Variants in ATP5F1B observed in about 807,000 individuals in gnomAD.
The protein encoded by ATP5F1B is ATP synthase F1 subunit beta, also known as ATP synthase F(1) complex subunit beta, mitochondrial.
Under a neutral mutation model 45.9 loss-of-function variants are expected in ATP5F1B, and 17 were observed. That is an observed-to-expected ratio of 0.37 (90% CI 0.25 to 0.56). The LOEUF is 0.56. Among genes scored for constraint, ATP5F1B ranks in the 20% least tolerant of loss-of-function variants. The pLI, the probability that ATP5F1B is intolerant of heterozygous loss-of-function variation, is 0.80. For missense variants in ATP5F1B, 387 were observed against 673.2 expected (o/e 0.57, Z 4.70); for synonymous variants, 218 against 256.5 (o/e 0.85, Z 1.43).
At chr12:56,640,891 A>C (rs1592644193) in intron 7 of ATP5F1B, among the ~76,000 whole-genome samples, 1 of 145,958 alleles carries the variant, frequency 6.9e-6, no homozygotes, top group South Asian at 2.2e-4. Context: ...AAAAAAACGG[A>C]AACAAAAATT....
chr12:56,645,208 C>T lies in ATP5F1B; in HGVS notation c.273G>A (p.Arg91=), dbSNP rs1240801235. 2 of 1,614,096 alleles carry T rather than the reference C, an allele frequency of 1.2e-6. No homozygotes were observed. Among genetic ancestry groups the T allele is most frequent in the African/African-American group, 2.7e-5 (2 of 74,944 alleles). ...CCACCTCCAAAACCAGTCTGGTCTC[C>T]CTGCCTTGCACTTCCAGGGCATTTA... The part of the protein sequence containing the change: ...PILNALEVQG[R]ETRLVLEVAQ... Residue 91 remains arginine, a synonymous_variant, in exon 2 of 10, where the codon AGG becomes AGA. Transcript: ENST00000262030.
chr12:56,645,810 C>A, intron 1 of ATP5F1B, 27 bp downstream of exon 1: 1 of 1,602,972 alleles, frequency 6.2e-7, no homozygotes, highest in Non-Finnish European at 8.5e-7. Context: ...CAAAATGGAA[C>A]GTTAGCTCCT....
intron 7 of ATP5F1B, among the ~76,000 whole-genome samples, chr12:56,641,404 T>G (rs1394110147): frequency 6.6e-6 from 1 of 151,808 alleles, no homozygotes; most frequent in Non-Finnish European, 1.5e-5. Context: ...AACAAAAAAC[T>G]TCTTGCACAA....
intron 7 of ATP5F1B, among the ~76,000 whole-genome samples, chr12:56,642,031 C>T (rs1014447485): frequency 1.3e-5 from 2 of 151,902 alleles, no homozygotes; most frequent in Non-Finnish European, 2.9e-5. Flanking sequence ...GAGTCTGACT[C>T]TGTCACCCAG....
Position 56,639,317 on chromosome 12 carries a change from A to C in ATP5F1B, c.1288-10T>G. On this transcript the variant is annotated splice_polypyrimidine_tract_variant and intron_variant, in intron 8 of 9. Coordinates refer to ENST00000262030, the MANE Select transcript of ATP5F1B (RefSeq NM_001686.4). ...GGAGGGATTTGTAGTCCTATGAGAA[A>C]AAAGAAGACTGAGTTAAGTATTCTC... is the stretch of plus-strand genomic sequence containing the variant. The C allele has an allele frequency of 6.2e-7, 1 of 1,610,458 alleles. No individual in the cohort carries two copies. The highest frequency in any genetic ancestry group is 1.1e-5 in the South Asian group (1 of 90,968).
intron 9 of ATP5F1B, 107 bp from the exon 10 acceptor site, chr12:56,638,530 G>T: frequency 1.2e-6 from 1 of 827,794 alleles, no homozygotes; most frequent in Non-Finnish European, 2.0e-6. Flanking sequence ...AGAATGTGAT[G>T]AATTCATGTC....
chr12:56,645,772 C>T (rs1951545073), intron 1 of ATP5F1B, 65 bp downstream of exon 1: 2 of 1,577,942 alleles, frequency 1.3e-6, no homozygotes, highest in East Asian at 2.3e-5. Flanking sequence ...GAGCTACCAT[C>T]GTTCCCCGGC....
chr12:56,645,066 G>A (rs1592224394), intron 2 of ATP5F1B, 105 bp downstream of exon 2: 1 of 1,606,142 alleles, frequency 6.2e-7, no homozygotes, highest in East Asian at 2.2e-5. Flanking sequence ...AAACTCAGAA[G>A]AACGAAAGTC....
chr12:56,639,426 C>T, intron 8 of ATP5F1B, 119 bp from the exon 9 acceptor site: 1 of 883,452 alleles, frequency 1.1e-6, no homozygotes, highest in Non-Finnish European at 1.8e-6. Context: ...GGGCCCTCAG[C>T]CAAGAAAGAT....
rs1951538029 is a variant in ATP5F1B, at chr12:56,644,783, T to C, written c.483A>G (p.Lys161=). 1.2e-6 allele frequency: 2 copies of C among 1,610,290 alleles called. No homozygotes were observed. The highest frequency in any genetic ancestry group is 3.4e-5 in the Admixed American group (2 of 59,642). ...PIDERGPIKT[K]QFAPIHAEAP... ...TAGATGCAATAAGAGCAACTTACTGTTTGGTTTTGATGGGACCTCTTTCAT... is the reference window on the plus strand; with the variant it reads ...TAGATGCAATAAGAGCAACTTACTGCTTGGTTTTGATGGGACCTCTTTCAT... The change falls in exon 3 of 10, where the codon AAA becomes AAG. Residue 161 remains lysine (K), a splice_region_variant and synonymous_variant. Transcript: ENST00000262030.
chr12:56,642,587 GA>G lies in ATP5F1B; in HGVS notation c.952-8del. Reference sequence around the variant, plus strand: ...GGCCCAATAATGCAGACACCTAAAAGAAAAAAAGGTCTTAGGTGTCTACATC... The same window carrying G: ...GGCCCAATAATGCAGACACCTAAAAGAAAAAAGGTCTTAGGTGTCTACATC... On this transcript the variant is annotated splice_polypyrimidine_tract_variant and splice_region_variant and intron_variant, in intron 6 of 9. Transcript: ENST00000262030. 3.1e-6 allele frequency: 5 copies of G among 1,611,694 alleles called. No individual in the cohort carries two copies. The highest frequency in any genetic ancestry group is 4.2e-6 in the Non-Finnish European group (5 of 1,179,308).
chr12:56,645,854 G>C lies in ATP5F1B; in HGVS notation c.110C>G (p.Pro37Arg). The C allele has an allele frequency of 6.2e-7, 1 of 1,609,142 alleles. No homozygotes were observed. Among genetic ancestry groups the C allele is most frequent in the South Asian group, 1.1e-5 (1 of 90,008 alleles). The change falls in exon 1 of 10, where the codon CCG becomes CGG. Residue 37 changes from proline to arginine, a missense_variant. Transcript: ENST00000262030. Reference sequence around the variant, plus strand: ...GCACTTACCAGGATGGACCGCCGTCGGAGCGGCCCGCAGTAAGAGCTGAGC... The same window carrying C: ...GCACTTACCAGGATGGACCGCCGTCCGAGCGGCCCGCAGTAAGAGCTGAGC... ...PPAQLLLRAA[P>R]TAVHPVRDYA...
chr12:56,639,324 G>C lies in ATP5F1B; in HGVS notation c.1288-17C>G. On this transcript the variant is annotated splice_polypyrimidine_tract_variant and intron_variant, in intron 8 of 9. Transcript: ENST00000262030. ...TTTGTAGTCCTATGAGAAAAAAGAA[G>C]ACTGAGTTAAGTATTCTCATTCCTT... The C allele has an allele frequency of 6.2e-7, 1 of 1,601,676 alleles. No homozygotes were observed. The highest frequency in any genetic ancestry group is 8.5e-7 in the Non-Finnish European group (1 of 1,170,074).
Position 56,645,958 on chromosome 12 carries a change from C to T in ATP5F1B, c.6G>A (p.Leu2=), listed in dbSNP as rs866650910. The T allele has an allele frequency of 4.4e-6, 7 of 1,602,998 alleles. 1 individual carries two copies. In the Middle Eastern group the frequency reaches 1.2e-3, roughly 268 times the overall value. The change falls in exon 1 of 10, where the codon TTG becomes TTA. Residue 2 remains leucine, a synonymous_variant. Coordinates refer to ENST00000262030, the MANE Select transcript of ATP5F1B (RefSeq NM_001686.4). ...CAGCGGCCACCCGACCCACAAACCC[C>T]AACATGGCGTAGTCCGGGTGGAGAC... M[L]GFVGRVAAAP...
At chr12:56,639,657 G>A (rs1402766170) in intron 8 of ATP5F1B, among the ~76,000 whole-genome samples, 2 of 151,898 alleles carry the variant, frequency 1.3e-5, no homozygotes, top group Non-Finnish European at 2.9e-5. Flanking sequence ...TGTAATCCCA[G>A]GTACTCAGGA....
At chr12:56,638,787 T>G (rs1193236055) in intron 9 of ATP5F1B, among the ~76,000 whole-genome samples, 1 of 152,048 alleles carries the variant, frequency 6.6e-6, no homozygotes. Flanking sequence ...TCCCAGCTAC[T>G]TGGATGGTTG....
At position 56,644,933 on chromosome 12, in the gene ATP5F1B, A is replaced by C. The variant is rs1951538907; in HGVS notation, c.333T>G (p.Ile111Met). Residue 111 changes from isoleucine (I) to methionine (M), a missense_variant, in exon 3 of 10, where the codon ATT becomes ATG. By Grantham distance (10) the Ile-to-Met change is conservative. Coordinates refer to ENST00000262030, the MANE Select transcript of ATP5F1B (RefSeq NM_001686.4). ...QHLGESTVRT[I>M]AMDGTEGLVR... ...CCAAGCCTTCTGTACCATCCATAGCAATAGTCCTTACTGTGCTCTCACCTG... is the reference window on the plus strand; with the variant it reads ...CCAAGCCTTCTGTACCATCCATAGCCATAGTCCTTACTGTGCTCTCACCTG... The C allele has an allele frequency of 9.9e-6, 16 of 1,614,154 alleles. No individual in the cohort carries two copies. Among genetic ancestry groups the C allele is most frequent in the Non-Finnish European group, 1.4e-5 (16 of 1,179,994 alleles).
chr12:56,639,896 T>A (rs12229457), intron 8 of ATP5F1B, 84 bp downstream of exon 8: 449,427 of 1,421,056 alleles, frequency 0.32, 72,960 homozygotes, highest in Middle Eastern at 0.34. Context: ...AACAAATCAC[T>A]AAGAAAGATC....
intron 9 of ATP5F1B, among the ~76,000 whole-genome samples, chr12:56,638,669 G>A (rs985798213): frequency 2.6e-5 from 4 of 152,214 alleles, no homozygotes; most frequent in African/African-American, 9.6e-5. Flanking sequence ...GCCAAGGCAG[G>A]CGGATCACCT....
Sources: allele counts gnomAD v4.1 joint callset (sites outside exome capture counted in the v4.1 genomes callset), GRCh38; gene constraint gnomAD v4.1.1; transcripts MANE v1.5; gene names NCBI Gene and HGNC (gene_info 2026-07-23, HGNC 2026-07-21).